Variants in PCDHA3 observed in about 807,000 individuals in gnomAD.
PCDHA3 encodes the protein protocadherin alpha-3.
Under a neutral mutation model 62.2 loss-of-function variants are expected in PCDHA3, and 41 were observed. The observed-to-expected ratio is 0.66, with a 90% CI of 0.51 to 0.86. PCDHA3 has a LOEUF of 0.86. Among genes scored for constraint, PCDHA3 ranks in the 40% least tolerant of loss-of-function variants. The probability of loss-of-function intolerance (pLI) is 0.00; values close to 1 mark genes in which losing one functional copy is unlikely to be tolerated. For synonymous variants in PCDHA3, 640 were observed against 555.4 expected, an observed-to-expected ratio of 1.15 and a Z score of -2.14; for missense variants, 1,304 against 1,241.2, an observed-to-expected ratio of 1.05 and a Z score of -0.76.
intron 1 of PCDHA3, among the ~76,000 whole-genome samples, chr5:140,899,982 A>AT (rs1290251020): frequency 2.0e-5 from 3 of 150,600 alleles, no homozygotes; most frequent in African/African-American, 4.9e-5. Context: ...TACTTTTTTG[A>AT]TTTTTTTTGT....
Position 141,002,363 on chromosome 5 carries a change from A to G in PCDHA3, c.2543-7264A>G, listed in dbSNP as rs75749580. On this transcript the variant is annotated intron_variant, in intron 3 of 3. Transcript: ENST00000522353. ...CCTTCCCCCACCTCCACTCCTTTCAACTCATTCTGGCTTAGGGCTCCTGCT... is the reference window on the plus strand; with the variant it reads ...CCTTCCCCCACCTCCACTCCTTTCAGCTCATTCTGGCTTAGGGCTCCTGCT... Among the ~76,000 whole-genome samples, 567 of 152,272 alleles carry G rather than the reference A, an allele frequency of 3.7e-3. 5 individuals are homozygous for G. Among genetic ancestry groups the G allele is most frequent in the African/African-American group, 0.013 (537 of 41,558 alleles).
chr5:140,823,291 T>G (rs1767641438), intron 1 of PCDHA3: 1 of 1,612,324 alleles, frequency 6.2e-7, no homozygotes, highest in African/African-American at 1.3e-5. Context: ...GCTGTCGAGT[T>G]ACGTTTCGGT....
At chr5:140,881,244 CG>C in intron 1 of PCDHA3, 1 of 397,012 alleles carries the variant, frequency 2.5e-6, no homozygotes, top group Non-Finnish European at 3.4e-6. Flanking sequence ...ATTTAAATGA[CG>C]GCAAGGTTTT....
chr5:140,951,145 T>G (rs2094553191), intron 1 of PCDHA3, among the ~76,000 whole-genome samples: 1 of 100,698 alleles, frequency 9.9e-6, no homozygotes, highest in South Asian at 2.6e-4. Flanking sequence ...TTTATCTTAT[T>G]GAATATAGTT....
At chr5:140,940,372 AGTT>A (rs2092600737) in intron 1 of PCDHA3, among the ~76,000 whole-genome samples, 1 of 151,970 alleles carries the variant, frequency 6.6e-6, no homozygotes, top group Non-Finnish European at 1.5e-5. Flanking sequence ...GTATTCCTTG[AGTT>A]GTTAATTTTG....
At chr5:140,856,879 G>A in intron 1 of PCDHA3, 1 of 1,593,884 alleles carries the variant, frequency 6.3e-7, no homozygotes, top group Non-Finnish European at 8.6e-7. Context: ...AGGAAATGAT[G>A]TATTCATTTA....
At chr5:140,848,920 T>A (rs1554142573) in intron 1 of PCDHA3, 1 of 1,607,752 alleles carries the variant, frequency 6.2e-7, no homozygotes, top group East Asian at 2.2e-5. Flanking sequence ...AATCTGTTCA[T>A]CGCGGAATCC....
At position 140,863,274 on chromosome 5, in the gene PCDHA3, G is replaced by T. The variant is rs782533377; in HGVS notation, c.2394+59683G>T. 8.9e-6 allele frequency: 13 copies of T among 1,461,580 alleles called. No individual in the cohort carries two copies. In the African/African-American group the frequency reaches 1.8e-4, roughly 21 times the overall value. 90.5% of individuals were successfully genotyped at this position (1,461,580 alleles called of 1,614,324 possible). On this transcript the variant is annotated intron_variant, in intron 1 of 3. Coordinates refer to ENST00000522353, the MANE Select transcript of PCDHA3 (RefSeq NM_018906.3). Reference sequence around the variant, plus strand: ...TCGAGGTCCGGGAGGCAGCGCTGGTGGATGTCAACGTGTACCTGATCATCG... The same window carrying T: ...TCGAGGTCCGGGAGGCAGCGCTGGTTGATGTCAACGTGTACCTGATCATCG...
At chr5:140,940,470 A>AT (rs201096499) in intron 1 of PCDHA3, among the ~76,000 whole-genome samples, 9 of 149,600 alleles carry the variant, frequency 6.0e-5, no homozygotes, top group East Asian at 5.9e-4. Context: ...GTTCCCTGCA[A>AT]TTTTTTTTTT....
Position 140,886,556 on chromosome 5 carries a change from G to A in PCDHA3, c.2394+82965G>A, listed in dbSNP as rs368447778. On this transcript the variant is annotated intron_variant, in intron 1 of 3. Coordinates refer to ENST00000522353, the MANE Select transcript of PCDHA3 (RefSeq NM_018906.3). ...TAGAAAGGTCTTCCCAGCTGGGCACGGTGGCTCACGCCTGTAATCCCAGCA... is the reference window on the plus strand; with the variant it reads ...TAGAAAGGTCTTCCCAGCTGGGCACAGTGGCTCACGCCTGTAATCCCAGCA... Among the ~76,000 whole-genome samples, 30 of 151,832 alleles carry A rather than the reference G, an allele frequency of 2.0e-4. No individual in the cohort carries two copies. The East Asian group carries it at 5.5e-3, about 28-fold the overall frequency.
intron 1 of PCDHA3, chr5:140,829,211 G>C (rs2150163941): frequency 6.2e-7 from 1 of 1,614,206 alleles, no homozygotes; most frequent in Non-Finnish European, 8.5e-7. Flanking sequence ...CCTAATTAGC[G>C]TGAACGACCT....
chr5:140,903,857 T>C (rs2070669832), intron 1 of PCDHA3, among the ~76,000 whole-genome samples: 1 of 152,172 alleles, frequency 6.6e-6, no homozygotes, highest in South Asian at 2.1e-4. Context: ...TAACAAATAA[T>C]ATAGAGTAAA....
intron 3 of PCDHA3, among the ~76,000 whole-genome samples, chr5:140,993,152 C>A (rs932484139): frequency 2.6e-4 from 39 of 152,142 alleles, no homozygotes; most frequent in African/African-American, 9.2e-4. Context: ...TAAATGGATT[C>A]TAAATATTTG....
At position 140,993,525 on chromosome 5, in the gene PCDHA3, G is replaced by C. The variant is rs573802745; in HGVS notation, c.2542+10962G>C. On this transcript the variant is annotated intron_variant, in intron 3 of 3. Coordinates refer to ENST00000522353, the MANE Select transcript of PCDHA3 (RefSeq NM_018906.3). Reference sequence around the variant, plus strand: ...ACACACACACGGGGAGAGAGAGACAGAGAGAGAGAGAGATAGAGAAGTGAA... The same window carrying C: ...ACACACACACGGGGAGAGAGAGACACAGAGAGAGAGAGATAGAGAAGTGAA... Among the ~76,000 whole-genome samples the C allele has an allele frequency of 4.8e-5, 7 of 147,308 alleles. No homozygotes were observed. The East Asian group carries it at 1.2e-3, about 24-fold the overall frequency.
chr5:140,974,578 C>A (rs1554236214), intron 1 of PCDHA3, among the ~76,000 whole-genome samples: 1 of 152,170 alleles, frequency 6.6e-6, no homozygotes, highest in Non-Finnish European at 1.5e-5. Flanking sequence ...ATGGCATGAT[C>A]TTGGCTCACT....
Position 141,011,329 on chromosome 5 carries a change from T to G in PCDHA3, c.*1392T>G, listed in dbSNP as rs924246191. 6.5e-6 allele frequency: 1 copy of G among 153,804 alleles called. No homozygotes were observed. Among genetic ancestry groups the G allele is most frequent in the African/African-American group, 2.4e-5 (1 of 41,472 alleles). 9.5% of individuals were successfully genotyped at this position (153,804 alleles called of 1,614,324 possible). ...TTGCTAATCTTACTAACACCTATGA[T>G]GTTACCTGAAATCAATCTCCCATAT... is the stretch of plus-strand genomic sequence containing the variant. On this transcript the variant is annotated 3_prime_UTR_variant, in exon 4 of 4. Coordinates refer to ENST00000522353, the MANE Select transcript of PCDHA3 (RefSeq NM_018906.3).
At chr5:140,845,448 T>C (rs1375604335) in intron 1 of PCDHA3, among the ~76,000 whole-genome samples, 1 of 149,710 alleles carries the variant, frequency 6.7e-6, no homozygotes, top group Non-Finnish European at 1.5e-5. Context: ...CTGTTTTTCT[T>C]CAACTCTCTG....
intron 1 of PCDHA3, among the ~76,000 whole-genome samples, chr5:140,846,838 C>T (rs1554141511): frequency 6.7e-6 from 1 of 149,596 alleles, no homozygotes; most frequent in African/African-American, 2.5e-5. Context: ...ATATGAGTCA[C>T]ACAATGCAAG....
chr5:140,857,779 T>C (rs2044890811), intron 1 of PCDHA3: 2 of 1,597,506 alleles, frequency 1.3e-6, no homozygotes, highest in Non-Finnish European at 8.6e-7. Context: ...GTGCAGTCAG[T>C]GAGCTGGTGC....
Sources: gnomAD v4.1 joint callset for allele counts (sites outside exome capture counted in the v4.1 genomes callset) on GRCh38, gnomAD v4.1.1 for gene constraint, MANE v1.5 for transcripts, NCBI Gene and HGNC (gene_info 2026-07-23, HGNC 2026-07-21) for gene names.